LY86: variants seen among roughly 807,000 people sequenced by gnomAD.
LY86 encodes the protein lymphocyte antigen 86.
Under a neutral mutation model 17.3 loss-of-function variants are expected in LY86, and 20 were observed. That is an observed-to-expected ratio of 1.15 (90% CI 0.81 to 1.68). The LOEUF is 1.68. Ranked by LOEUF, LY86 falls within the 40% of genes most tolerant of loss-of-function variation. The pLI is 0.00. For synonymous variants in LY86, 74 were observed against 70.6 expected (o/e 1.05, Z -0.24); for missense variants, 200 against 191.9 (o/e 1.04, Z -0.25).
intron 3 of LY86, among the ~76,000 whole-genome samples, chr6:6,627,585 G>C (rs1761814586): frequency 6.6e-6 from 1 of 152,174 alleles, no homozygotes; most frequent in African/African-American, 2.4e-5. Flanking sequence ...CGAGCTGCTT[G>C]AGGGTAGGGT....
intron 3 of LY86, among the ~76,000 whole-genome samples, chr6:6,644,884 A>T (rs572155189): frequency 2.0e-4 from 31 of 152,294 alleles, no homozygotes; most frequent in Non-Finnish European, 3.5e-4. Context: ...ATTTAATTTT[A>T]GGTGTTGTTT....
chr6:6,618,429 A>ATTT (rs72090806), intron 1 of LY86, among the ~76,000 whole-genome samples: 31 of 149,282 alleles, frequency 2.1e-4, no homozygotes, highest in South Asian at 6.3e-4. Context: ...TATGAATTCA[A>ATTT]TTTTTTTTTT....
chr6:6,609,172 A>G (rs1761270877), intron 1 of LY86, among the ~76,000 whole-genome samples: 1 of 152,182 alleles, frequency 6.6e-6, no homozygotes, highest in Admixed American at 6.5e-5. Flanking sequence ...GTCTATGTGA[A>G]ATGAAGAGAA....
chr6:6,634,322 C>G (rs1761933982), intron 3 of LY86, among the ~76,000 whole-genome samples: 1 of 152,234 alleles, frequency 6.6e-6, no homozygotes, highest in Non-Finnish European at 1.5e-5. Context: ...GAGAAAATAA[C>G]TGGTCCCTGG....
At chr6:6,608,776 T>C (rs1390077787) in intron 1 of LY86, among the ~76,000 whole-genome samples, 1 of 152,218 alleles carries the variant, frequency 6.6e-6, no homozygotes, top group Non-Finnish European at 1.5e-5. Context: ...AACTTTGCTG[T>C]GAAGCAGAAG....
At chr6:6,603,961 C>G (rs1440008115) in intron 1 of LY86, among the ~76,000 whole-genome samples, 1 of 152,148 alleles carries the variant, frequency 6.6e-6, no homozygotes, top group Non-Finnish European at 1.5e-5. Flanking sequence ...TCTTGGGAAA[C>G]TAAGTCTTCC....
At chr6:6,599,534 G>A (rs2113085544) in intron 1 of LY86, among the ~76,000 whole-genome samples, 1 of 152,348 alleles carries the variant, frequency 6.6e-6, no homozygotes, top group African/African-American at 2.4e-5. Context: ...GAGGCTGACT[G>A]ACTGGTTTTT....
At chr6:6,596,570 A>C (rs1205192155) in intron 1 of LY86, among the ~76,000 whole-genome samples, 2 of 152,320 alleles carry the variant, frequency 1.3e-5, no homozygotes, top group East Asian at 3.9e-4. Flanking sequence ...GCAATTTCAG[A>C]GGGATGACTC....
At chr6:6,597,513 G>A (rs1000199312) in intron 1 of LY86, among the ~76,000 whole-genome samples, 1 of 152,216 alleles carries the variant, frequency 6.6e-6, no homozygotes, top group African/African-American at 2.4e-5. Flanking sequence ...CCTTTCCAGG[G>A]ATGCCATGTA....
intron 1 of LY86, among the ~76,000 whole-genome samples, chr6:6,613,825 C>T (rs1761473993): frequency 6.6e-6 from 1 of 152,234 alleles, no homozygotes; most frequent in African/African-American, 2.4e-5. Flanking sequence ...ACTTTCCCTG[C>T]CTGATGGTTT....
Position 6,606,816 on chromosome 6 carries a change from C to T in LY86, c.136+17946C>T, listed in dbSNP as rs184156499. ...CCCGCTTACGCCTCTCCCTCCACAC[C>T]ACCCCGCAAGCTGAGGGAGCGGGCT... On this transcript the variant is annotated intron_variant, in intron 1 of 4. Transcript: ENST00000230568. Among the ~76,000 whole-genome samples the T allele has an allele frequency of 3.3e-3, 504 of 152,390 alleles. 3 individuals carry two copies. Among genetic ancestry groups the T allele is most frequent in the Non-Finnish European group, 4.4e-3 (302 of 68,036 alleles).
chr6:6,622,463 A>G (rs1761702624), intron 1 of LY86, among the ~76,000 whole-genome samples: 1 of 152,176 alleles, frequency 6.6e-6, no homozygotes, highest in Non-Finnish European at 1.5e-5. Flanking sequence ...AGCAGGAACT[A>G]TCGTCTCCAA....
chr6:6,645,038 T>G (rs1223370545), intron 3 of LY86, among the ~76,000 whole-genome samples: 1 of 152,204 alleles, frequency 6.6e-6, no homozygotes, highest in Non-Finnish European at 1.5e-5. Context: ...GAAGGACCTC[T>G]TAATGGTGAA....
intron 1 of LY86, among the ~76,000 whole-genome samples, chr6:6,612,173 T>C (rs921708888): frequency 2.1e-5 from 3 of 145,740 alleles, no homozygotes; most frequent in Non-Finnish European, 4.5e-5. Flanking sequence ...TGGGGGTTCT[T>C]GGTCTCACTG....
intron 1 of LY86, among the ~76,000 whole-genome samples, chr6:6,612,453 T>C (rs943940694): frequency 5.3e-5 from 8 of 152,130 alleles, no homozygotes; most frequent in Admixed American, 1.3e-4. Context: ...ATGGGGAGTG[T>C]TACACTTCAT....
chr6:6,611,987 A>G (rs866648036), intron 1 of LY86, among the ~76,000 whole-genome samples: 3 of 57,776 alleles, frequency 5.2e-5, no homozygotes, highest in South Asian at 7.9e-4. Flanking sequence ...CTACCCCCTT[A>G]ACTGAGTACT....
chr6:6,631,464 A>T (rs995279705), intron 3 of LY86, among the ~76,000 whole-genome samples: 8 of 152,258 alleles, frequency 5.3e-5, no homozygotes, highest in African/African-American at 1.9e-4. Flanking sequence ...AAAGGGCATA[A>T]CAAAATTATA....
chr6:6,591,949 A>G (rs1225578840), intron 1 of LY86, among the ~76,000 whole-genome samples: 6 of 152,176 alleles, frequency 3.9e-5, no homozygotes, highest in Admixed American at 2.6e-4. Flanking sequence ...TGAAAGAGGA[A>G]GTGGAAGACA....
intron 1 of LY86, among the ~76,000 whole-genome samples, chr6:6,594,144 G>A (rs1456111157): frequency 6.6e-6 from 1 of 152,322 alleles, no homozygotes; most frequent in Middle Eastern, 3.4e-3. Flanking sequence ...TGTGACACAT[G>A]CTCAAATGAC....
Sources: gnomAD v4.1 joint callset for allele counts (sites outside exome capture counted in the v4.1 genomes callset) on GRCh38, gnomAD v4.1.1 for gene constraint, MANE v1.5 for transcripts, NCBI Gene and HGNC (gene_info 2026-07-23, HGNC 2026-07-21) for gene names.